KCNIP4: variants seen among roughly 807,000 people sequenced by gnomAD.
The protein encoded by KCNIP4 is potassium voltage-gated channel interacting protein 4.
In KCNIP4, 12 loss-of-function variants were observed where a neutral mutation model predicts 34.0. That is an observed-to-expected ratio of 0.35 (90% CI 0.23 to 0.57). KCNIP4 has a LOEUF of 0.57. KCNIP4 is among the 20% of genes least tolerant of loss of function. KCNIP4 has a pLI of 0.83. For synonymous variants in KCNIP4, 124 were observed against 102.2 expected (o/e 1.21, Z -1.29); for missense variants, 238 against 311.7 (o/e 0.76, Z 1.78).
intron 1 of KCNIP4, among the ~76,000 whole-genome samples, chr4:20,999,801 C>T (rs1737939836): frequency 6.6e-6 from 1 of 152,050 alleles, no homozygotes; most frequent in Admixed American, 6.5e-5. Context: ...AATACCATTT[C>T]TAGTTGAAAA....
At chr4:21,065,532 A>G (rs1376462450) in intron 1 of KCNIP4, among the ~76,000 whole-genome samples, 15 of 151,984 alleles carry the variant, frequency 9.9e-5, no homozygotes, top group Admixed American at 9.2e-4. Context: ...ATCGATTATT[A>G]TAATGTACTG....
chr4:21,344,852 A>G (rs1040567445), intron 1 of KCNIP4, among the ~76,000 whole-genome samples: 1 of 152,184 alleles, frequency 6.6e-6, no homozygotes, highest in African/African-American at 2.4e-5. Flanking sequence ...TCTGACTCCT[A>G]TGTTAGTGCT....
chr4:21,919,369 A>T (rs1177860556), intron 1 of KCNIP4, among the ~76,000 whole-genome samples: 1 of 152,166 alleles, frequency 6.6e-6, no homozygotes, highest in Non-Finnish European at 1.5e-5. Flanking sequence ...AAGATAGATA[A>T]ACTGGATGAA....
chr4:21,112,231 A>G (rs569008861), intron 1 of KCNIP4, among the ~76,000 whole-genome samples: 1 of 152,160 alleles, frequency 6.6e-6, no homozygotes, highest in Non-Finnish European at 1.5e-5. Flanking sequence ...GAACCCAAAG[A>G]TCAATATTTT....
chr4:21,184,891 AC>A (rs956759883), intron 1 of KCNIP4, among the ~76,000 whole-genome samples: 2 of 151,830 alleles, frequency 1.3e-5, no homozygotes, highest in Non-Finnish European at 2.9e-5. Flanking sequence ...TGCTTAAACA[AC>A]CCCCTCCTGA....
At position 21,925,614 on chromosome 4, in the gene KCNIP4, C is replaced by A. The variant is rs182586206; in HGVS notation, c.61+22957G>T. On this transcript the variant is annotated intron_variant, in intron 1 of 8. Transcript: ENST00000382152. ...CACTTCATGAAATTCCTTTTCCCCC[C>A]ACCCTCTATTGTCTGCCTAACTCTC... Among the ~76,000 whole-genome samples the A allele has an allele frequency of 2.1e-4, 32 of 152,252 alleles. 1 individual carries two copies. The highest frequency in any genetic ancestry group is 1.1e-3 in the Admixed American group (17 of 15,288).
chr4:21,368,183 T>C (rs879373051), intron 1 of KCNIP4, among the ~76,000 whole-genome samples: 2 of 146,684 alleles, frequency 1.4e-5, no homozygotes, highest in Non-Finnish European at 2.9e-5. Context: ...CAGTGATTAA[T>C]GGAAACACTG....
At chr4:21,166,938 CAAAAAAAAAA>C (rs55649635) in intron 1 of KCNIP4, among the ~76,000 whole-genome samples, 6 of 37,562 alleles carry the variant, frequency 1.6e-4, no homozygotes, top group African/African-American at 6.4e-4. Flanking sequence ...CACTCCATCT[CAAAAAAAAAA>C]AAAAAAAAAA....
intron 1 of KCNIP4, among the ~76,000 whole-genome samples, chr4:20,948,990 G>A (rs1382043841): frequency 2.0e-5 from 3 of 152,068 alleles, no homozygotes; most frequent in African/African-American, 7.2e-5. Flanking sequence ...CACCCCTTTT[G>A]TATGGCTGGA....
intron 3 of KCNIP4, among the ~76,000 whole-genome samples, chr4:20,786,013 G>A (rs897370715): frequency 1.3e-5 from 2 of 151,976 alleles, no homozygotes; most frequent in Non-Finnish European, 2.9e-5. Context: ...GTTTATCACA[G>A]CACTATTCAC....
intron 2 of KCNIP4, among the ~76,000 whole-genome samples, chr4:20,873,657 T>C (rs1723712612): frequency 6.6e-6 from 1 of 152,172 alleles, no homozygotes; most frequent in South Asian, 2.1e-4. Flanking sequence ...CCTTCTAAAA[T>C]TTGGCACATA....
chr4:21,849,263 C>A (rs935087756), intron 1 of KCNIP4: 5 of 152,026 alleles, frequency 3.3e-5, no homozygotes, highest in African/African-American at 1.2e-4. Flanking sequence ...TAGGAGAGTG[C>A]TTATGGCAAT....
At chr4:20,806,939 T>C (rs1276698161) in intron 3 of KCNIP4, among the ~76,000 whole-genome samples, 1 of 152,112 alleles carries the variant, frequency 6.6e-6, no homozygotes, top group African/African-American at 2.4e-5. Flanking sequence ...GATATCCAAC[T>C]AGTAACATTC....
At chr4:21,427,056 T>C (rs1725991950) in intron 1 of KCNIP4, among the ~76,000 whole-genome samples, 1 of 152,148 alleles carries the variant, frequency 6.6e-6, no homozygotes, top group South Asian at 2.1e-4. Flanking sequence ...TGGTAGGGTT[T>C]ACCTAATTTG....
intron 1 of KCNIP4, among the ~76,000 whole-genome samples, chr4:21,377,424 T>C (rs1230276317): frequency 1.3e-5 from 2 of 152,314 alleles, no homozygotes; most frequent in East Asian, 1.9e-4. Context: ...CAATGAATCA[T>C]GAAAGACACT....
intron 1 of KCNIP4, among the ~76,000 whole-genome samples, chr4:21,174,919 A>C (rs1754293355): frequency 6.6e-6 from 1 of 152,012 alleles, no homozygotes; most frequent in Admixed American, 6.6e-5. Flanking sequence ...AAAAAAAGAA[A>C]AAAAAAGCAT....
chr4:21,069,881 G>C (rs1167324204), intron 1 of KCNIP4, among the ~76,000 whole-genome samples: 2 of 152,064 alleles, frequency 1.3e-5, no homozygotes, highest in Non-Finnish European at 2.9e-5. Context: ...GTGTAGTTCT[G>C]TGTCATATTA....
chr4:20,953,699 A>C (rs959373879), intron 1 of KCNIP4, among the ~76,000 whole-genome samples: 3 of 152,182 alleles, frequency 2.0e-5, no homozygotes, highest in Non-Finnish European at 4.4e-5. Context: ...TTCAATAAAT[A>C]CACTGTAATT....
At chr4:21,626,393 T>G (rs549714272) in intron 1 of KCNIP4, among the ~76,000 whole-genome samples, 1 of 152,026 alleles carries the variant, frequency 6.6e-6, no homozygotes, top group Admixed American at 6.6e-5. Context: ...TTTTTTGTTT[T>G]TTTTTCACCC....
Sources: gnomAD v4.1 joint callset for allele counts (sites outside exome capture counted in the v4.1 genomes callset) on GRCh38, gnomAD v4.1.1 for gene constraint, MANE v1.5 for transcripts, NCBI Gene and HGNC (gene_info 2026-07-23, HGNC 2026-07-21) for gene names.